The following TYRO3 variants were observed in gnomAD, a reference collection of about 807,000 sequenced individuals.
The protein encoded by TYRO3 is TYRO3 protein tyrosine kinase.
Under a neutral mutation model 95.2 loss-of-function variants are expected in TYRO3, and 38 were observed. The observed-to-expected ratio is 0.40, with a 90% CI of 0.31 to 0.52. The LOEUF is 0.52. TYRO3 is among the 20% of genes least tolerant of loss of function. TYRO3 has a pLI of 0.56. For missense variants in TYRO3, 812 were observed against 1,116.4 expected, an observed-to-expected ratio of 0.73 and a Z score of 3.89; for synonymous variants, 367 against 432.9, an observed-to-expected ratio of 0.85 and a Z score of 1.89.
At chr15:41,564,900 C>A in intron 5 of TYRO3, 126 bp from the exon 6 acceptor site, 1 of 661,562 alleles carries the variant, frequency 1.5e-6, no homozygotes, top group South Asian at 1.7e-5. Context: ...CCTGGGAGTG[C>A]TGAGTAGCCG....
rs2055943238 is a variant in TYRO3 at position 41,583,477 on chromosome 15, T to C, written c.*5201T>C. On this transcript the variant is annotated 3_prime_UTR_variant, in exon 19 of 19. Coordinates refer to ENST00000263798, the MANE Select transcript of TYRO3 (RefSeq NM_006293.4). Reference sequence around the variant, plus strand: ...CCATTTCTCTATATAGCCTCATTGATCTATCTAAACTCCCATATCTATTTT... The same window carrying C: ...CCATTTCTCTATATAGCCTCATTGACCTATCTAAACTCCCATATCTATTTT... 6.6e-6 allele frequency: 1 copy of C among 152,220 alleles called. No individual in the cohort carries two copies. Among genetic ancestry groups the C allele is most frequent in the Non-Finnish European group, 1.5e-5 (1 of 68,046 alleles). 9.4% of individuals were successfully genotyped at this position (152,220 alleles called of 1,614,324 possible). A position where few individuals can be genotyped will look rare whatever the true frequency, so the allele number is the denominator to read the frequency against.
intron 6 of TYRO3, 67 bp downstream of exon 6, chr15:41,565,208 C>T: frequency 1.0e-6 from 1 of 1,001,294 alleles, no homozygotes; most frequent in Admixed American, 1.8e-5. Context: ...ACAGGGATAT[C>T]ACACTCACTA....
In TYRO3 at chr15:41,561,325, G is replaced by A. The variant is rs374026997; in HGVS notation, c.308+15G>A. On this transcript the variant is annotated intron_variant, in intron 2 of 18. Transcript: ENST00000263798. ...GGCTTCCTCAGGTGCAGGCCTGTGG[G>A]GGAAGGTGTGGGCTGCCAGCCAGGG... 5 of 1,231,152 alleles carry A rather than the reference G, an allele frequency of 4.1e-6. No individual in the cohort carries two copies. The South Asian group carries it at 6.6e-5, about 16-fold the overall frequency. The allele number at this position is 1,231,152 out of a possible 1,614,324, so 76.3% of individuals were successfully genotyped here. A position where few individuals can be genotyped will look rare whatever the true frequency, so the allele number is the denominator to read the frequency against.
chr15:41,569,075 G>A, intron 9 of TYRO3, 53 bp downstream of exon 9: 6 of 1,602,768 alleles, frequency 3.7e-6, no homozygotes, highest in Non-Finnish European at 5.1e-6. Flanking sequence ...AGGTTTTCAA[G>A]GGCAACCTAG....
intron 11 of TYRO3, 53 bp from the exon 12 acceptor site, chr15:41,570,551 G>A (rs2055782431): frequency 1.4e-6 from 2 of 1,441,586 alleles, no homozygotes; most frequent in East Asian, 2.3e-5. Flanking sequence ...AAGAGGCTGG[G>A]TTTTGGCTCA....
At chr15:41,566,562 G>T (rs750991778) in intron 6 of TYRO3, among the ~76,000 whole-genome samples, 1 of 152,142 alleles carries the variant, frequency 6.6e-6, no homozygotes, top group Non-Finnish European at 1.5e-5. Flanking sequence ...AGGATGGACC[G>T]CAGTGTGATA....
rs1242219413 is a variant in TYRO3, at chr15:41,581,336, G to GAATA, written c.*3061_*3064dup. The GAATA allele has an allele frequency of 6.5e-6, 1 of 153,438 alleles. No homozygotes were observed. Among genetic ancestry groups the GAATA allele is most frequent in the Non-Finnish European group, 1.5e-5 (1 of 68,034 alleles). 9.5% of individuals were successfully genotyped at this position (153,438 alleles called of 1,614,324 possible). ...GTGCTGCTTCTGGCTGAGGGCAGGG[G>GAATA]AATAGGGTGGCTGCTTCTGAAAGCA... On this transcript the variant is annotated 3_prime_UTR_variant, in exon 19 of 19. Coordinates refer to ENST00000263798, the MANE Select transcript of TYRO3 (RefSeq NM_006293.4).
At position 41,578,850 on chromosome 15, in the gene TYRO3, G is replaced by A. The variant is rs1350403040; in HGVS notation, c.*574G>A. Reference sequence around the variant, plus strand: ...TGATTCCGCACCCTGCCTACGCCAGGAGAAGTTGAGGGGAGCATGCTTCCC... The same window carrying A: ...TGATTCCGCACCCTGCCTACGCCAGAAGAAGTTGAGGGGAGCATGCTTCCC... On this transcript the variant is annotated 3_prime_UTR_variant, in exon 19 of 19. Coordinates refer to ENST00000263798, the MANE Select transcript of TYRO3 (RefSeq NM_006293.4). The A allele has an allele frequency of 6.4e-6, 1 of 156,262 alleles. No homozygotes were observed. Among genetic ancestry groups the A allele is most frequent in the Non-Finnish European group, 1.4e-5 (1 of 70,996 alleles). The allele number at this position is 156,262 out of a possible 1,614,324, so 9.7% of individuals were successfully genotyped here.
intron 18 of TYRO3, among the ~76,000 whole-genome samples, chr15:41,574,019 T>C (rs2055833555): frequency 6.6e-6 from 1 of 152,222 alleles, no homozygotes; most frequent in Non-Finnish European, 1.5e-5. Context: ...CCCAGATTTC[T>C]TGCTTTAGCC....
chr15:41,569,933 G>GC (rs2055772858), intron 9 of TYRO3, 94 bp from the exon 10 acceptor site: 11 of 1,490,684 alleles, frequency 7.4e-6, no homozygotes, highest in Non-Finnish European at 9.9e-6. Flanking sequence ...ACCTAGAGGA[G>GC]CCCCTTGAAC....
At chr15:41,574,484 A>C (rs979842065) in intron 18 of TYRO3, among the ~76,000 whole-genome samples, 1 of 152,232 alleles carries the variant, frequency 6.6e-6, no homozygotes, top group Non-Finnish European at 1.5e-5. Context: ...GGAAAAGACT[A>C]TTATTTATCC....
chr15:41,578,098 G>C lies in TYRO3; in HGVS notation c.2495G>C (p.Gly832Ala). Residue 832 changes from glycine to alanine, a missense_variant, in exon 19 of 19, where the codon GGG becomes GCG. Gly to Ala is a moderately conservative substitution (Grantham distance 60). Transcript: ENST00000263798. The part of the protein sequence containing the change: ...PGRDQPYSGA[G>A]DGSGMGAVGG... ...AGGGATCAGCCCTACAGTGGGGCTG[G>C]GGATGGCAGTGGCATGGGGGCAGTG... is the stretch of plus-strand genomic sequence containing the variant. 1 of 1,614,030 alleles carries C rather than the reference G, an allele frequency of 6.2e-7. No homozygotes were observed. Among genetic ancestry groups the C allele is most frequent in the Non-Finnish European group, 8.5e-7 (1 of 1,180,014 alleles).
At chr15:41,573,278 G>A in intron 16 of TYRO3, 30 bp from the exon 17 acceptor site, 1 of 1,419,914 alleles carries the variant, frequency 7.0e-7, no homozygotes, top group South Asian at 1.2e-5. Flanking sequence ...ATGGCAGAAG[G>A]CTGACTCTCT....
Position 41,578,189 on chromosome 15 carries a change from G to C in TYRO3, c.2586G>C (p.Gln862His). Residue 862 changes from glutamine (Q) to histidine (H), a missense_variant, in exon 19 of 19, where the codon CAG becomes CAC. Coordinates refer to ENST00000263798, the MANE Select transcript of TYRO3 (RefSeq NM_006293.4). ...GAGGGCTGGCTGAGCAGCCAGGGCA[G>C]GCAGAGCACCAGCCAGAGAGTCCCC... Reference protein sequence around the residue: ...TPGGLAEQPGQAEHQPESPLN... With the variant: ...TPGGLAEQPGHAEHQPESPLN... 4 of 1,613,892 alleles carry C rather than the reference G, an allele frequency of 2.5e-6. No homozygotes were observed. Among genetic ancestry groups the C allele is most frequent in the Non-Finnish European group, 3.4e-6 (4 of 1,180,034 alleles).
intron 18 of TYRO3, among the ~76,000 whole-genome samples, chr15:41,575,584 A>T (rs3784283): frequency 0.43 from 65,527 of 152,068 alleles, 14,605 homozygotes; most frequent in East Asian, 0.81. Flanking sequence ...GTCTGGCATG[A>T]TTACTGCCAT....
chr15:41,568,783 C>A lies in TYRO3; in HGVS notation c.1108-95C>A, dbSNP rs2055757122. On this transcript the variant is annotated intron_variant, in intron 8 of 18. Coordinates refer to ENST00000263798, the MANE Select transcript of TYRO3 (RefSeq NM_006293.4). ...CTGAACCCACAGTGCCCCTATACTC[C>A]CATGTTCCCAGCTGGACCTTTTTCT... The A allele has an allele frequency of 2.7e-6, 4 of 1,460,696 alleles. No homozygotes were observed. In the African/African-American group the frequency reaches 4.2e-5, roughly 15 times the overall value. 90.5% of individuals were successfully genotyped at this position (1,460,696 alleles called of 1,614,324 possible). A position where few individuals can be genotyped will look rare whatever the true frequency, so the allele number is the denominator to read the frequency against.
chr15:41,578,683 G>A lies in TYRO3; in HGVS notation c.*407G>A, dbSNP rs1427070774. 8.3e-6 allele frequency: 2 copies of A among 241,206 alleles called. No homozygotes were observed. Among genetic ancestry groups the A allele is most frequent in the Admixed American group, 5.1e-5 (1 of 19,482 alleles). 14.9% of individuals were successfully genotyped at this position (241,206 alleles called of 1,614,324 possible). ...CATGCATTGAGCTGCCTCCAGCCTG[G>A]TGGCCCAGCTATTACCACACTTGGG... On this transcript the variant is annotated 3_prime_UTR_variant, in exon 19 of 19. Coordinates refer to ENST00000263798, the MANE Select transcript of TYRO3 (RefSeq NM_006293.4).
At chr15:41,577,041 T>C (rs1330480383) in intron 18 of TYRO3, among the ~76,000 whole-genome samples, 1 of 152,158 alleles carries the variant, frequency 6.6e-6, no homozygotes, top group African/African-American at 2.4e-5. Flanking sequence ...TCGCTTCAAA[T>C]CACAGCTCTG....
At chr15:41,575,136 A>G (rs2055844576) in intron 18 of TYRO3, among the ~76,000 whole-genome samples, 1 of 152,230 alleles carries the variant, frequency 6.6e-6, no homozygotes, top group African/African-American at 2.4e-5. Context: ...GGACAGGCAC[A>G]GGAAGGCTCA....
Sources: allele counts gnomAD v4.1 joint callset (sites outside exome capture counted in the v4.1 genomes callset), GRCh38; gene constraint gnomAD v4.1.1; transcripts MANE v1.5; gene names NCBI Gene and HGNC (gene_info 2026-07-23, HGNC 2026-07-21).